The following TET1 variants were observed in gnomAD, a reference collection of about 807,000 sequenced individuals.
The protein encoded by TET1 is tet methylcytosine dioxygenase 1, also known as methylcytosine dioxygenase TET1.
A neutral mutation model predicts 148.7 loss-of-function variants in TET1; 13 were observed. The ratio of observed to expected loss-of-function variants is 0.09; its 90% CI spans 0.06 to 0.14. The LOEUF (loss-of-function observed/expected upper bound fraction) is 0.14. TET1 is among the 10% of genes least tolerant of loss of function. The pLI is 1.00. For missense variants in TET1, 2,182 were observed against 2,553.8 expected (o/e 0.85, Z 3.14); for synonymous variants, 907 against 937.2 (o/e 0.97, Z 0.59).
chr10:68,645,843 G>C lies in TET1; in HGVS notation c.3114G>C (p.Leu1038Phe), dbSNP rs751380533. The C allele has an allele frequency of 6.2e-7, 1 of 1,614,092 alleles. No individual in the cohort carries two copies. Among genetic ancestry groups the C allele is most frequent in the Admixed American group, 1.7e-5 (1 of 60,008 alleles). The change falls in exon 4 of 12, where the codon TTG (leucine) becomes TTC (phenylalanine). Residue 1038 changes from leucine (L) to phenylalanine (F), a missense_variant. Physicochemically the swap from Leu to Phe is conservative, Grantham distance 22. Around this residue, in one of 11 missense-constraint regions of TET1, gnomAD observed 582 missense variants for 599.5 expected, o/e 0.97. Transcript: ENST00000373644. ...LDNCSNDLHQ[L>F]PPRNNEVEYC... ...ATTGTTCCAATGATTTGCATCAGTTGCCACCAAGAAATAATGAAGTGGAGT... is the reference window on the plus strand; with the variant it reads ...ATTGTTCCAATGATTTGCATCAGTTCCCACCAAGAAATAATGAAGTGGAGT...
chr10:68,656,844 G>A (rs922101030), intron 6 of TET1, among the ~76,000 whole-genome samples: 1 of 151,108 alleles, frequency 6.6e-6, no homozygotes, highest in South Asian at 2.1e-4. Context: ...TGGACAATAC[G>A]GTGAAACTCC....
chr10:68,606,610 A>C (rs1041308979), intron 3 of TET1, among the ~76,000 whole-genome samples: 1 of 147,894 alleles, frequency 6.8e-6, no homozygotes, highest in Non-Finnish European at 1.5e-5. Context: ...CAAAAACAAA[A>C]AAAAAAACAC....
chr10:68,686,299 A>G, intron 10 of TET1, 57 bp from the exon 11 acceptor site: 2 of 1,435,870 alleles, frequency 1.4e-6, no homozygotes, highest in East Asian at 2.3e-5. Context: ...AGGAATAGCC[A>G]CAATGAATGT....
At chr10:68,653,336 A>G (rs1450823058) in intron 6 of TET1, among the ~76,000 whole-genome samples, 1 of 152,170 alleles carries the variant, frequency 6.6e-6, no homozygotes, top group African/African-American at 2.4e-5. Context: ...ATTGTGTTAA[A>G]TCACTGTCTT....
intron 8 of TET1, among the ~76,000 whole-genome samples, chr10:68,676,585 A>AT (rs993681313): frequency 3.0e-4 from 45 of 148,102 alleles, no homozygotes; most frequent in African/African-American, 6.5e-4. Context: ...GGCCATTTGT[A>AT]TTTTTTTTTC....
In TET1 at chr10:68,573,126, A is replaced by G. The variant is rs1234170961; in HGVS notation, c.788A>G (p.Gln263Arg). Residue 263 changes from glutamine to arginine, a missense_variant, in exon 2 of 12, where the codon CAA becomes CGA. This residue lies in a region of TET1 where 665 missense variants were observed against 672.4 expected (regional missense o/e 0.99). Coordinates refer to ENST00000373644, the MANE Select transcript of TET1 (RefSeq NM_030625.3). ...AGAGCAACCCCCAAAGTTACCTCTC[A>G]AGGAAACCCCAGCATTCAGTTAGAA... Reference protein sequence around the residue: ...PQRATPKVTSQGNPSIQLEEL... With the variant: ...PQRATPKVTSRGNPSIQLEEL... 1.9e-6 allele frequency: 3 copies of G among 1,614,026 alleles called. No homozygotes were observed. The Admixed American group carries it at 5.0e-5, about 27-fold the overall frequency.
At chr10:68,618,786 TGCAGATTAATCAGTATGATTTAAAA>T (rs1227294877) in intron 3 of TET1, among the ~76,000 whole-genome samples, 1 of 152,074 alleles carries the variant, frequency 6.6e-6, no homozygotes, top group Admixed American at 6.6e-5. Flanking sequence ...TGAAAGAAAA[TGCAGATTAATCAGTATGATTTAAAA>T]GGAAATCTGG....
At chr10:68,654,276 T>G (rs950004024) in intron 6 of TET1, among the ~76,000 whole-genome samples, 1 of 151,768 alleles carries the variant, frequency 6.6e-6, no homozygotes, top group Admixed American at 6.6e-5. Context: ...GTCTTGGGTT[T>G]AGAAATAAGA....
intron 2 of TET1, among the ~76,000 whole-genome samples, chr10:68,584,869 G>A (rs1300712637): frequency 6.6e-6 from 1 of 150,960 alleles, no homozygotes; most frequent in Non-Finnish European, 1.5e-5. Context: ...TGCCCAGTCT[G>A]GAGTGCAGTG....
chr10:68,672,712 G>GA (rs2055292645), intron 7 of TET1, among the ~76,000 whole-genome samples, 183 bp from the exon 8 acceptor site: 1 of 151,858 alleles, frequency 6.6e-6, no homozygotes, highest in Admixed American at 6.6e-5. Context: ...CAGATTTCTT[G>GA]AAAAAACAAA....
intron 2 of TET1, among the ~76,000 whole-genome samples, chr10:68,599,476 G>C (rs2054026572): frequency 6.6e-6 from 1 of 152,234 alleles, no homozygotes; most frequent in South Asian, 2.1e-4. Context: ...AAGAGGGGTC[G>C]TGGGGGGCAC....
intron 5 of TET1, 116 bp downstream of exon 5, chr10:68,652,052 G>GA: frequency 1.1e-5 from 11 of 966,090 alleles, no homozygotes; most frequent in Non-Finnish European, 1.7e-5. Flanking sequence ...GTATGAGTTG[G>GA]ATGTTTCTTA....
chr10:68,606,735 C>T (rs967635004), intron 3 of TET1, among the ~76,000 whole-genome samples: 4 of 152,016 alleles, frequency 2.6e-5, no homozygotes, highest in African/African-American at 4.8e-5. Context: ...CAAGGGAATA[C>T]CAGCTTTAAT....
In TET1 at chr10:68,583,320, A is replaced by G. The variant is rs535545825; in HGVS notation, c.1914+9068A>G. On this transcript the variant is annotated intron_variant, in intron 2 of 11. Coordinates refer to ENST00000373644, the MANE Select transcript of TET1 (RefSeq NM_030625.3). ...GGGACTATGATGGATAATGGCACAAATGTTACCAGGAGGGGTAGGAGAAAG... is the reference window on the plus strand; with the variant it reads ...GGGACTATGATGGATAATGGCACAAGTGTTACCAGGAGGGGTAGGAGAAAG... Among the ~76,000 whole-genome samples the G allele has an allele frequency of 3.3e-5, 5 of 152,260 alleles. No individual in the cohort carries two copies. In the East Asian group the frequency reaches 9.6e-4, roughly 29 times the overall value.
chr10:68,676,473 T>C (rs1315988452), intron 8 of TET1, among the ~76,000 whole-genome samples: 1 of 150,578 alleles, frequency 6.6e-6, no homozygotes, highest in Admixed American at 6.6e-5. Context: ...TTAGTAGAGA[T>C]GGGGTTTCAC....
Position 68,646,491 on chromosome 10 carries a change from G to C in TET1, c.3762G>C (p.Lys1254Asn), listed in dbSNP as rs755962320. 6.2e-7 allele frequency: 1 copy of C among 1,614,148 alleles called. No homozygotes were observed. The highest frequency in any genetic ancestry group is 8.5e-7 in the Non-Finnish European group (1 of 1,180,036). The change falls in exon 4 of 12, where the codon AAG (lysine) becomes AAC (asparagine). Residue 1254 changes from lysine to asparagine, a missense_variant. Physicochemically the swap from Lys to Asn is moderately conservative, Grantham distance 94. Transcript: ENST00000373644. ...LQRYPESAEEKVKVEPLDSLS... is the reference protein window; with the variant it reads ...LQRYPESAEENVKVEPLDSLS... ...GATATCCTGAATCAGCAGAGGAAAAGGTGAAGGTTGAACCATTGGATTCAC... is the reference window on the plus strand; with the variant it reads ...GATATCCTGAATCAGCAGAGGAAAACGTGAAGGTTGAACCATTGGATTCAC...
rs1564990121 is a variant in TET1 at position 68,646,145 on chromosome 10, TAAC to T, written c.3419_3421del (p.Thr1140del). ...GTACACAATAATCATGGTTCATCAT[TAAC>T]AAAACAAAAGAACCCAACCCAGAAA... is the stretch of plus-strand genomic sequence containing the variant. On this transcript the variant is annotated inframe_deletion, in exon 4 of 12. Coordinates refer to ENST00000373644, the MANE Select transcript of TET1 (RefSeq NM_030625.3). The T allele has an allele frequency of 1.2e-6, 2 of 1,613,040 alleles. No homozygotes were observed. The highest frequency in any genetic ancestry group is 1.3e-5 in the African/African-American group (1 of 74,820).
chr10:68,669,474 C>CTTTTTTTTTTTTTTTTTTTTTTTTTTTTT (rs3085667), intron 7 of TET1, among the ~76,000 whole-genome samples: 3 of 61,620 alleles, frequency 4.9e-5, no homozygotes, highest in Admixed American at 2.0e-4. Context: ...CCATGCCCAG[C>CTTTTTTTTTTTTTTTTTTTTTTTTTTTTT]TTTTTTTTTT....
intron 6 of TET1, among the ~76,000 whole-genome samples, chr10:68,655,045 T>A (rs1248236293): frequency 6.6e-6 from 1 of 152,160 alleles, no homozygotes; most frequent in African/African-American, 2.4e-5. Flanking sequence ...AGTGTCTTTC[T>A]TTCATCACCT....
Sources: allele counts gnomAD v4.1 joint callset (sites outside exome capture counted in the v4.1 genomes callset), GRCh38; gene constraint gnomAD v4.1.1; regional missense constraint gnomAD v4.1.1; transcripts MANE v1.5; gene names NCBI Gene and HGNC (gene_info 2026-07-23, HGNC 2026-07-21).